Variants in HYKK observed in about 807,000 individuals in gnomAD.
The protein encoded by HYKK is hydroxylysine kinase.
In HYKK, 19 loss-of-function variants were observed where a neutral mutation model predicts 29.7. The ratio of observed to expected loss-of-function variants is 0.64; its 90% confidence interval spans 0.45 to 0.94. The LOEUF is 0.94. Among genes scored for constraint, HYKK ranks in the 40% least tolerant of loss-of-function variants. The pLI is 0.00. For synonymous variants in HYKK, 152 were observed against 158.1 expected (o/e 0.96, Z 0.29); for missense variants, 390 against 443.4 (o/e 0.88, Z 1.08).
intron 1 of HYKK, among the ~76,000 whole-genome samples, chr15:78,510,143 C>CT (rs1164276435): frequency 3.8e-5 from 4 of 105,090 alleles, no homozygotes; most frequent in African/African-American, 1.3e-4. Flanking sequence ...TTCTTTCTTT[C>CT]TTCTTTCTCT....
intron 2 of HYKK, 61 bp from the exon 3 acceptor site, chr15:78,514,907 T>TCTCTCTCTCTCC (rs2052113938): frequency 5.7e-6 from 3 of 528,080 alleles, no homozygotes; most frequent in Admixed American, 4.9e-5. Context: ...TCTCTCTCTC[T>TCTCTCTCTCTCC]CTATATATAT....
chr15:78,517,860 C>T (rs2052152320), intron 3 of HYKK, among the ~76,000 whole-genome samples: 1 of 152,178 alleles, frequency 6.6e-6, no homozygotes. Flanking sequence ...CTCTTCCTGG[C>T]CCTGTGCGTG....
chr15:78,531,783 G>T (rs988544755), intron 4 of HYKK, among the ~76,000 whole-genome samples: 2 of 152,128 alleles, frequency 1.3e-5, no homozygotes, highest in African/African-American at 4.8e-5. Flanking sequence ...CACCTGCCTT[G>T]GCCTCCCAAA....
chr15:78,533,454 G>C lies in HYKK; in HGVS notation c.906G>C (p.Lys302Asn). 6.2e-7 allele frequency: 1 copy of C among 1,614,198 alleles called. No individual in the cohort carries two copies. The highest frequency in any genetic ancestry group is 8.5e-7 in the Non-Finnish European group (1 of 1,180,028). Residue 302 changes from lysine (K) to asparagine (N), a missense_variant, in exon 5 of 5, where the codon AAG (lysine) becomes AAC (asparagine). Coordinates refer to ENST00000388988, the MANE Select transcript of HYKK (RefSeq NM_001013619.4). Reference sequence around the variant, plus strand: ...TCACCCCACTGACAGCTGTAGAGAAGGGTGCTTTGTTTTTACTTGTATGCA... The same window carrying C: ...TCACCCCACTGACAGCTGTAGAGAACGGTGCTTTGTTTTTACTTGTATGCA... ...ESITPLTAVE[K>N]GALFLLVCSR...
At chr15:78,510,167 C>CTCTTT (rs1237534740) in intron 1 of HYKK, among the ~76,000 whole-genome samples, 1 of 137,312 alleles carries the variant, frequency 7.3e-6, no homozygotes, top group Non-Finnish European at 1.6e-5. Flanking sequence ...TCTCTCTTCT[C>CTCTTT]TCTTTTCTTT....
intron 4 of HYKK, chr15:78,528,626 A>G (rs2052281267): frequency 1.8e-6 from 1 of 542,536 alleles, no homozygotes; most frequent in Non-Finnish European, 2.3e-6. Flanking sequence ...AACGTGGTGA[A>G]ACCCTGTTTC....
intron 1 of HYKK, among the ~76,000 whole-genome samples, chr15:78,510,416 C>T (rs778259486): frequency 9.2e-5 from 14 of 151,892 alleles, no homozygotes; most frequent in Non-Finnish European, 1.2e-4. Flanking sequence ...CCAGGCTGGT[C>T]TCAAACTCCT....
At chr15:78,513,562 G>A in intron 2 of HYKK, 137 bp downstream of exon 2, 1 of 657,390 alleles carries the variant, frequency 1.5e-6, no homozygotes, top group South Asian at 1.9e-5. Context: ...CACCTCAATA[G>A]TACACCCTTA....
intron 2 of HYKK, among the ~76,000 whole-genome samples, chr15:78,514,606 A>G (rs977824799): frequency 6.6e-6 from 1 of 152,190 alleles, no homozygotes; most frequent in Admixed American, 6.5e-5. Context: ...GAACTTATGA[A>G]AGAGTATGTG....
intron 3 of HYKK, chr15:78,518,546 T>C (rs974351626): frequency 4.4e-6 from 2 of 455,198 alleles, no homozygotes; most frequent in Admixed American, 2.4e-5. Flanking sequence ...TGAAAACCAG[T>C]GTTTAACGTA....
In HYKK at chr15:78,513,338, A is replaced by G. The variant is rs771836129; in HGVS notation, c.250A>G (p.Ile84Val). ...AGACCTGATTGAAGTGCAGAATCAC[A>G]TCATCATGTTTCTGAAAGCCGCTGG... ...NPDLIEVQNH[I>V]IMFLKAAGFP... is the part of the protein sequence containing the mutation. The change falls in exon 2 of 5, where the codon ATC becomes GTC. Residue 84 changes from isoleucine to valine, a missense_variant. Transcript: ENST00000388988. The G allele has an allele frequency of 1.2e-5, 19 of 1,614,238 alleles. No individual in the cohort carries two copies. The Admixed American group carries it at 2.7e-4, about 23-fold the overall frequency.
intron 4 of HYKK, chr15:78,528,890 G>A: frequency 1.0e-6 from 1 of 970,084 alleles, no homozygotes; most frequent in Non-Finnish European, 1.2e-6. Flanking sequence ...CTTACTCCGT[G>A]TAAACACAGT....
At chr15:78,528,807 A>T in intron 4 of HYKK, 19 of 982,870 alleles carry the variant, frequency 1.9e-5, no homozygotes, top group Non-Finnish European at 2.3e-5. Flanking sequence ...TCTCCAAAAA[A>T]AAAAAAGGGC....
intron 3 of HYKK, among the ~76,000 whole-genome samples, chr15:78,515,586 AAT>A (rs1491292741): frequency 1.0e-5 from 1 of 95,516 alleles, no homozygotes; most frequent in East Asian, 3.4e-4. Context: ...TCTCCAAAGA[AAT>A]TTTTTTTTTT....
In HYKK at chr15:78,533,614, G is replaced by A. The variant is rs2052334383; in HGVS notation, c.1066G>A (p.Val356Ile). 8.7e-6 allele frequency: 14 copies of A among 1,614,228 alleles called. No homozygotes were observed. Among genetic ancestry groups the A allele is most frequent in the Non-Finnish European group, 1.2e-5 (14 of 1,180,038 alleles). The change falls in exon 5 of 5, where the codon GTA (valine) becomes ATA (isoleucine). Residue 356 changes from valine (V) to isoleucine (I), a missense_variant. Coordinates refer to ENST00000388988, the MANE Select transcript of HYKK (RefSeq NM_001013619.4). The stretch of plus-strand genomic sequence containing the variant: ...AATGTTTGACATGGGTCAGAAAGCT[G>A]TAGAAGAAATCTGGTTTGAAACTGC... ...QQMFDMGQKA[V>I]EEIWFETAKS...
In HYKK at chr15:78,513,555, C is replaced by A. The variant is rs1297557724; in HGVS notation, c.337+130C>A. ...TGTGGTTGTTATTATTTTTTAGCAC[C>A]TCAATAGTACACCCTTAGAGGTGGT... On this transcript the variant is annotated intron_variant, in intron 2 of 4. Coordinates refer to ENST00000388988, the MANE Select transcript of HYKK (RefSeq NM_001013619.4). 21 of 666,896 alleles carry A rather than the reference C, an allele frequency of 3.1e-5. 1 individual carries two copies. In the South Asian group the frequency reaches 4.0e-4, roughly 13 times the overall value. The allele number at this position is 666,896 out of a possible 1,614,324, so 41.3% of individuals were successfully genotyped here. A position where few individuals can be genotyped will look rare whatever the true frequency, so the allele number is the denominator to read the frequency against.
chr15:78,512,686 G>T (rs1425816673), intron 1 of HYKK, among the ~76,000 whole-genome samples: 3 of 152,032 alleles, frequency 2.0e-5, no homozygotes, highest in Admixed American at 2.0e-4. Flanking sequence ...ACAGGCTCGA[G>T]CCACCACGTC....
Position 78,533,584 on chromosome 15 carries a change from C to T in HYKK, c.1036C>T (p.Gln346Ter). The change falls in exon 5 of 5, where the codon CAG becomes TAG. Residue 346 changes from glutamine to a stop codon, truncating the protein, a stop_gained. Transcript: ENST00000388988. LOFTEE classifies it high-confidence loss of function. The stretch of plus-strand genomic sequence containing the variant: ...TGCAAAAACCGGGTGGAAACACTTA[C>T]AGCAAATGTTTGACATGGGTCAGAA... ...VTAKTGWKHL[Q>*]QMFDMGQKAV... The T allele has an allele frequency of 6.2e-7, 1 of 1,612,150 alleles. No homozygotes were observed. The highest frequency in any genetic ancestry group is 8.5e-7 in the Non-Finnish European group (1 of 1,179,082).
downstream of HYKK, among the ~76,000 whole-genome samples, chr15:78,536,965 C>T (rs1241569186): frequency 1.3e-5 from 2 of 152,116 alleles, no homozygotes; most frequent in Non-Finnish European, 2.9e-5. Context: ...TCTTCTCTTG[C>T]CCTCAGATAG....
Sources: allele counts gnomAD v4.1 joint callset (sites outside exome capture counted in the v4.1 genomes callset), GRCh38; gene constraint gnomAD v4.1.1; transcripts MANE v1.5; gene names NCBI Gene and HGNC (gene_info 2026-07-23, HGNC 2026-07-21).